GSG1L: variants seen among roughly 807,000 people sequenced by gnomAD.
The protein encoded by GSG1L is GSG1 like, also known as germ cell-specific gene 1-like protein.
A neutral mutation model predicts 42.1 loss-of-function variants in GSG1L; 24 were observed. The ratio of observed to expected loss-of-function variants is 0.57; its 90% CI spans 0.41 to 0.80. The LOEUF (loss-of-function observed/expected upper bound fraction) is 0.80. Among genes scored for constraint, GSG1L ranks in the 30% least tolerant of loss-of-function variants. The pLI, the probability that GSG1L is intolerant of heterozygous loss-of-function variation, is 0.00. For synonymous variants in GSG1L, 215 were observed against 203.5 expected (o/e 1.06, Z -0.48); for missense variants, 445 against 472.2 (o/e 0.94, Z 0.53).
intron 2 of GSG1L, among the ~76,000 whole-genome samples, chr16:27,926,032 TTTTG>T (rs2141067880): frequency 6.6e-6 from 1 of 152,284 alleles, no homozygotes; most frequent in Non-Finnish European, 1.5e-5. Context: ...CTGTGAAAGT[TTTTG>T]TTTGTTAATT....
At chr16:27,815,607 C>T (rs530861934) in intron 5 of GSG1L, among the ~76,000 whole-genome samples, 43 of 152,168 alleles carry the variant, frequency 2.8e-4, no homozygotes, top group Non-Finnish European at 5.3e-4. Context: ...CAGGTGGAAC[C>T]GGGCACCCCA....
chr16:27,941,593 ACC>A (rs112009223), intron 2 of GSG1L, among the ~76,000 whole-genome samples: 1 of 150 alleles, frequency 6.7e-3, no homozygotes, highest in Non-Finnish European at 0.018. Flanking sequence ...AATCACTTGA[ACC>A]CCGGGAGGCA....
chr16:27,799,896 G>A (rs1232616722), intron 6 of GSG1L, among the ~76,000 whole-genome samples: 1 of 152,206 alleles, frequency 6.6e-6, no homozygotes, highest in Non-Finnish European at 1.5e-5. Context: ...CAAAGGGACA[G>A]GTATTGGCCG....
intron 5 of GSG1L, chr16:27,823,772 C>A (rs1031556809): frequency 2.9e-6 from 2 of 687,768 alleles, no homozygotes; most frequent in South Asian, 1.5e-5. Flanking sequence ...AGCTCAATAC[C>A]CAGCAGAGAT....
At chr16:27,914,076 C>T (rs1478063881) in intron 2 of GSG1L, among the ~76,000 whole-genome samples, 1 of 151,786 alleles carries the variant, frequency 6.6e-6, no homozygotes, top group African/African-American at 2.4e-5. Flanking sequence ...GTTACTTTCA[C>T]TTAATATAAT....
intron 3 of GSG1L, among the ~76,000 whole-genome samples, chr16:27,858,761 C>G (rs2083608659): frequency 2.0e-5 from 3 of 152,202 alleles, no homozygotes; most frequent in Admixed American, 2.0e-4. Context: ...CAAACCCAGC[C>G]TGGGCAACAT....
At chr16:27,984,153 G>A (rs191630186) in intron 1 of GSG1L, among the ~76,000 whole-genome samples, 6 of 152,222 alleles carry the variant, frequency 3.9e-5, no homozygotes, top group Non-Finnish European at 5.9e-5. Flanking sequence ...TTGCATGGCC[G>A]CAAGACACCA....
chr16:28,055,191 T>A (rs1193009298), intron 1 of GSG1L, among the ~76,000 whole-genome samples: 1 of 152,226 alleles, frequency 6.6e-6, no homozygotes, highest in Non-Finnish European at 1.5e-5. Context: ...GGTCTCCCTC[T>A]GTTGCCCGGG....
At position 27,868,254 on chromosome 16, in the gene GSG1L, C is replaced by G. The variant is rs560055517; in HGVS notation, c.550+16232G>C. Among the ~76,000 whole-genome samples the G allele has an allele frequency of 1.9e-4, 29 of 152,366 alleles. 1 individual carries two copies. In the South Asian group the frequency reaches 6.0e-3, roughly 32 times the overall value. ...GGGGCCTGCCCCATCTGTCCCACCT[C>G]CCGAAGACTCACTGGCTGTTCCCTC... On this transcript the variant is annotated intron_variant, in intron 3 of 6. Transcript: ENST00000447459.
chr16:28,007,423 C>A (rs2085653620), intron 1 of GSG1L, among the ~76,000 whole-genome samples: 1 of 152,160 alleles, frequency 6.6e-6, no homozygotes. Context: ...TGGATGCCTT[C>A]ATTTTAGACT....
At chr16:27,899,735 C>T (rs2084235471) in intron 2 of GSG1L, among the ~76,000 whole-genome samples, 1 of 152,020 alleles carries the variant, frequency 6.6e-6, no homozygotes, top group Non-Finnish European at 1.5e-5. Context: ...AAATAAATAA[C>T]AACAAGACAC....
intron 3 of GSG1L, among the ~76,000 whole-genome samples, chr16:27,849,335 C>T (rs945824957): frequency 7.9e-5 from 12 of 152,024 alleles, no homozygotes; most frequent in African/African-American, 1.4e-4. Flanking sequence ...CTATGCAGGA[C>T]GAGAAGTCAG....
intron 1 of GSG1L, among the ~76,000 whole-genome samples, chr16:28,054,032 T>C (rs205413): frequency 0.77 from 116,773 of 151,980 alleles, 46,219 homozygotes; most frequent in South Asian, 0.89. Flanking sequence ...CTCTGCATCC[T>C]TCTCAGATTC....
At chr16:28,013,077 A>C (rs2141157945) in intron 1 of GSG1L, among the ~76,000 whole-genome samples, 1 of 151,264 alleles carries the variant, frequency 6.6e-6, no homozygotes, top group South Asian at 2.1e-4. Context: ...ACAAAAAATT[A>C]GCCGTGCATG....
At chr16:27,885,091 G>A (rs2084011773) in intron 2 of GSG1L, among the ~76,000 whole-genome samples, 1 of 152,120 alleles carries the variant, frequency 6.6e-6, no homozygotes, top group Non-Finnish European at 1.5e-5. Context: ...GCCAGTTAGT[G>A]AGAGGTTCTG....
At chr16:27,867,920 G>A (rs952679286) in intron 3 of GSG1L, among the ~76,000 whole-genome samples, 2 of 152,198 alleles carry the variant, frequency 1.3e-5, no homozygotes, top group Admixed American at 6.5e-5. Flanking sequence ...CGTTTCTCGC[G>A]AGACCAGGCC....
intron 5 of GSG1L, among the ~76,000 whole-genome samples, chr16:27,822,312 A>C (rs190865945): frequency 6.6e-6 from 1 of 152,336 alleles, no homozygotes; most frequent in East Asian, 1.9e-4. Context: ...CAGGCGTTCC[A>C]CAAGGGCTGA....
intron 1 of GSG1L, among the ~76,000 whole-genome samples, chr16:28,020,069 C>T (rs2085822711): frequency 1.3e-5 from 2 of 152,200 alleles, no homozygotes; most frequent in Admixed American, 1.3e-4. Flanking sequence ...GTAGCAAGTC[C>T]ACTCTCTCAT....
intron 2 of GSG1L, among the ~76,000 whole-genome samples, chr16:27,918,132 T>C (rs899443390): frequency 3.9e-5 from 6 of 152,198 alleles, no homozygotes; most frequent in African/African-American, 1.2e-4. Context: ...AGACATTTCA[T>C]TGTATTGCAT....
Sources: gnomAD v4.1 joint callset for allele counts (sites outside exome capture counted in the v4.1 genomes callset) on GRCh38, gnomAD v4.1.1 for gene constraint, MANE v1.5 for transcripts, NCBI Gene and HGNC (gene_info 2026-07-23, HGNC 2026-07-21) for gene names.